Variants in FANCA observed in about 807,000 individuals in gnomAD.
The protein encoded by FANCA is Fanconi anemia group A protein.
FANCA carries 236 observed loss-of-function variants against 194.3 expected under a neutral mutation model. The observed-to-expected ratio is 1.21, with a 90% confidence interval of 1.09 to 1.35. The LOEUF (loss-of-function observed/expected upper bound fraction) is 1.35. Among genes scored for constraint, FANCA ranks in the 40% most tolerant of loss-of-function variants. The pLI is 0.00. For synonymous variants in FANCA, 1,014 were observed against 715.8 expected, an observed-to-expected ratio of 1.42 and a Z score of -6.65; for missense variants, 2,628 against 1,813.9, an observed-to-expected ratio of 1.45 and a Z score of -8.15.
chr16:89,749,338 G>C (rs1158981300), intron 32 of FANCA, among the ~76,000 whole-genome samples: 1 of 152,110 alleles, frequency 6.6e-6, no homozygotes, highest in Non-Finnish European at 1.5e-5. Flanking sequence ...TCAGTCTCCC[G>C]AGTAGCTGGG....
At chr16:89,745,368 A>ACAGTCCC (rs1280262952) in intron 35 of FANCA, among the ~76,000 whole-genome samples, 3 of 152,074 alleles carry the variant, frequency 2.0e-5, no homozygotes, top group Non-Finnish European at 4.4e-5. Context: ...TGAAGGGACC[A>ACAGTCCC]CAGTCCCCTG....
At chr16:89,787,170 G>A (rs935922207) in intron 14 of FANCA, among the ~76,000 whole-genome samples, 5 of 152,124 alleles carry the variant, frequency 3.3e-5, no homozygotes, top group African/African-American at 1.2e-4. Flanking sequence ...GGCTCAATCC[G>A]GTAATTCCAA....
chr16:89,816,182 AGG>A, intron 1 of FANCA, 196 bp from the exon 2 acceptor site: 2 of 620,886 alleles, frequency 3.2e-6, no homozygotes, highest in South Asian at 3.2e-5. Context: ...AAGACGGCCC[AGG>A]AGGGCCCGAG....
At chr16:89,747,124 A>G (rs935713761) in intron 33 of FANCA, among the ~76,000 whole-genome samples, 4 of 152,086 alleles carry the variant, frequency 2.6e-5, no homozygotes, top group African/African-American at 4.8e-5. Context: ...TGGCCCAAAC[A>G]GTCTTGTAGG....
chr16:89,805,161 G>T (rs1032056230), intron 7 of FANCA, 119 bp downstream of exon 7: 9 of 773,098 alleles, frequency 1.2e-5, no homozygotes, highest in Non-Finnish European at 2.0e-5. Context: ...TGTCATGCCA[G>T]GTTCCCACGG....
At chr16:89,792,127 C>A in intron 12 of FANCA, 59 bp from the exon 13 acceptor site, 1 of 1,604,794 alleles carries the variant, frequency 6.2e-7, no homozygotes, top group East Asian at 2.2e-5. Context: ...CGACAGATGA[C>A]CCCTCACCTT....
At position 89,791,477 on chromosome 16, in the gene FANCA, T is replaced by C. The variant is rs1192964304; in HGVS notation, c.1285A>G (p.Thr429Ala). ...FESCQLDSMV[T>A]AFLVVRQAAL... Reference sequence around the variant, plus strand: ...GCCTGGCGCACAACCAGGAACGCAGTGACCATGCTGTCCAGCTGGCAGCTC... The same window carrying C: ...GCCTGGCGCACAACCAGGAACGCAGCGACCATGCTGTCCAGCTGGCAGCTC... The change falls in exon 14 of 43, where the codon ACT (threonine) becomes GCT (alanine). Residue 429 changes from threonine (T) to alanine (A), a missense_variant. By Grantham distance (58) the Thr-to-Ala change is moderately conservative (BLOSUM62 0). Coordinates refer to ENST00000389301, the MANE Select transcript of FANCA (RefSeq NM_000135.4). 28 of 1,614,164 alleles carry C rather than the reference T, an allele frequency of 1.7e-5. No individual in the cohort carries two copies. Among genetic ancestry groups the C allele is most frequent in the Non-Finnish European group, 2.4e-5 (28 of 1,180,024 alleles).
intron 26 of FANCA, among the ~76,000 whole-genome samples, chr16:89,768,550 G>A (rs536557515): frequency 6.6e-6 from 1 of 152,078 alleles, no homozygotes; most frequent in East Asian, 1.9e-4. Flanking sequence ...CAGCTACTCA[G>A]GAAGCTGAGG....
At chr16:89,738,858 C>A in intron 42 of FANCA, 24 bp downstream of exon 42, 1 of 1,614,228 alleles carries the variant, frequency 6.2e-7, no homozygotes, top group Non-Finnish European at 8.5e-7. Flanking sequence ...CCCACATGGC[C>A]CAAGGTGGGC....
chr16:89,786,181 G>GT (rs60395462), intron 14 of FANCA, among the ~76,000 whole-genome samples: 11 of 147,146 alleles, frequency 7.5e-5, no homozygotes, highest in Middle Eastern at 3.3e-3. Flanking sequence ...ACCAAGCCCG[G>GT]TTTTTTTTTT....
chr16:89,758,545 C>T (rs2038837441), intron 30 of FANCA, 32 bp downstream of exon 30: 1 of 1,610,502 alleles, frequency 6.2e-7, no homozygotes, highest in Non-Finnish European at 8.5e-7. Flanking sequence ...CCTGTCCCTC[C>T]AGAGAACCCT....
intron 37 of FANCA, among the ~76,000 whole-genome samples, chr16:89,742,256 C>A (rs896350013): frequency 6.6e-6 from 1 of 151,816 alleles, no homozygotes; most frequent in Non-Finnish European, 1.5e-5. Flanking sequence ...GGATTACAGG[C>A]ATGAGCCACC....
intron 7 of FANCA, among the ~76,000 whole-genome samples, chr16:89,803,577 C>T (rs2143617754): frequency 6.6e-6 from 1 of 151,730 alleles, no homozygotes; most frequent in African/African-American, 2.4e-5. Flanking sequence ...ATTTTTTCCT[C>T]TTGCACTTCT....
chr16:89,746,018 G>A (rs1376617241), intron 35 of FANCA, among the ~76,000 whole-genome samples: 3 of 152,176 alleles, frequency 2.0e-5, no homozygotes, highest in African/African-American at 7.2e-5. Flanking sequence ...CCTGATGACC[G>A]AGAAGGAAGG....
intron 15 of FANCA, among the ~76,000 whole-genome samples, chr16:89,784,244 C>T (rs781218505): frequency 2.6e-4 from 39 of 151,936 alleles, no homozygotes; most frequent in Non-Finnish European, 4.9e-4. Flanking sequence ...TGCTGGCATG[C>T]GCCTGTAGTC....
intron 17 of FANCA, among the ~76,000 whole-genome samples, chr16:89,781,075 G>C (rs1029501279): frequency 6.6e-6 from 1 of 151,872 alleles, no homozygotes; most frequent in Non-Finnish European, 1.5e-5. Flanking sequence ...AAAAAGTAAA[G>C]AATGGAGGGC....
chr16:89,795,004 G>T (rs2040195234), intron 11 of FANCA, among the ~76,000 whole-genome samples: 2 of 152,212 alleles, frequency 1.3e-5, no homozygotes, highest in South Asian at 4.1e-4. Context: ...CTAGACAGCG[G>T]CTGGGCACAG....
At chr16:89,746,492 G>A (rs2038394808) in intron 35 of FANCA, 92 bp downstream of exon 35, 1 of 1,008,032 alleles carries the variant, frequency 9.9e-7, no homozygotes, top group Non-Finnish European at 1.6e-6. Flanking sequence ...GGTAACACCC[G>A]TGATGGAGAC....
chr16:89,752,520 A>C (rs542320983), intron 30 of FANCA, among the ~76,000 whole-genome samples: 1 of 152,362 alleles, frequency 6.6e-6, no homozygotes, highest in Admixed American at 6.5e-5. Flanking sequence ...CAGTATAATA[A>C]AATATAAAAC....
Sources: gnomAD v4.1 joint callset for allele counts (sites outside exome capture counted in the v4.1 genomes callset) on GRCh38, gnomAD v4.1.1 for gene constraint, MANE v1.5 for transcripts, NCBI Gene and HGNC (gene_info 2026-07-23, HGNC 2026-07-21) for gene names.